The following SLC22A23 variants were observed in gnomAD, a reference collection of about 807,000 sequenced individuals.
The protein encoded by SLC22A23 is ion transporter protein.
SLC22A23 carries 26 observed loss-of-function variants against 61.0 expected under a neutral mutation model. The ratio of observed to expected loss-of-function variants is 0.43; its 90% CI spans 0.31 to 0.59. The LOEUF (loss-of-function observed/expected upper bound fraction) is 0.59. SLC22A23 is among the 20% of genes least tolerant of loss of function. The pLI, the probability that SLC22A23 is intolerant of heterozygous loss-of-function variation, is 0.11. For synonymous variants in SLC22A23, 430 were observed against 413.9 expected (o/e 1.04, Z -0.47); for missense variants, 796 against 934.7 (o/e 0.85, Z 1.94).
intron 1 of SLC22A23, among the ~76,000 whole-genome samples, chr6:3,418,859 G>A (rs1328028797): frequency 2.0e-5 from 3 of 152,222 alleles, no homozygotes; most frequent in Non-Finnish European, 4.4e-5. Context: ...GCAGGGTAGG[G>A]TAGCGCTGGG....
At position 3,269,785 on chromosome 6, in the gene SLC22A23, ATGCGATACC is replaced by A. The variant is rs1359837486; in HGVS notation, c.*3261_*3269del. The A allele has an allele frequency of 6.5e-6, 1 of 152,866 alleles. No homozygotes were observed. The highest frequency in any genetic ancestry group is 1.5e-5 in the Non-Finnish European group (1 of 68,062). 9.5% of individuals were successfully genotyped at this position (152,866 alleles called of 1,614,324 possible). A position where few individuals can be genotyped will look rare whatever the true frequency, so the allele number is the denominator to read the frequency against. ...GCTGTAGTGTGGACCTCCCCCGCAC[ATGCGATACC>A]TCGGGCCGGGCGGTGTGACCTCACA... is the stretch of plus-strand genomic sequence containing the variant. On this transcript the variant is annotated 3_prime_UTR_variant, in exon 10 of 10. Transcript: ENST00000406686.
chr6:3,332,135 A>C (rs1763616243), intron 3 of SLC22A23, among the ~76,000 whole-genome samples: 2 of 152,162 alleles, frequency 1.3e-5, no homozygotes, highest in South Asian at 4.1e-4. Flanking sequence ...CGAGCCCTAA[A>C]TTACTTCAAG....
chr6:3,325,129 A>T (rs1026977769), intron 3 of SLC22A23, among the ~76,000 whole-genome samples: 1 of 152,210 alleles, frequency 6.6e-6, no homozygotes, highest in Non-Finnish European at 1.5e-5. Flanking sequence ...GGGGAAGAAG[A>T]AGAAGAGGAA....
At chr6:3,305,788 G>A (rs898803073) in intron 4 of SLC22A23, among the ~76,000 whole-genome samples, 3 of 152,324 alleles carry the variant, frequency 2.0e-5, no homozygotes, top group Admixed American at 6.5e-5. Flanking sequence ...CGACCTTGAG[G>A]ATGACTTCTG....
chr6:3,276,094 A>G (rs773182473), intron 9 of SLC22A23, among the ~76,000 whole-genome samples: 2 of 152,184 alleles, frequency 1.3e-5, no homozygotes, highest in Admixed American at 6.5e-5. Context: ...TCAGAATGCA[A>G]TGGAAGAATG....
In SLC22A23 at chr6:3,360,547, C is replaced by G. The variant is rs543008337; in HGVS notation, c.914-36545G>C. ...GTCGGGTTTCAGGCAACGGCTCAACCGTGGAGGGAGGTCACTTTGGGGCCT... is the reference window on the plus strand; with the variant it reads ...GTCGGGTTTCAGGCAACGGCTCAACGGTGGAGGGAGGTCACTTTGGGGCCT... On this transcript the variant is annotated intron_variant, in intron 3 of 9. Transcript: ENST00000406686. The surrounding 1 kb of genome is among the most constrained non-coding windows in gnomAD (Gnocchi z 4.6). Among the ~76,000 whole-genome samples, 5 of 152,238 alleles carry G rather than the reference C, an allele frequency of 3.3e-5. No individual in the cohort carries two copies. Among genetic ancestry groups the G allele is most frequent in the Non-Finnish European group, 7.3e-5 (5 of 68,048 alleles).
Position 3,283,167 on chromosome 6 carries a change from C to G in SLC22A23, c.1703+685G>C, listed in dbSNP as rs185181235. Among the ~76,000 whole-genome samples the G allele has an allele frequency of 2.2e-4, 33 of 152,256 alleles. No individual in the cohort carries two copies. The East Asian group carries it at 6.0e-3, about 28-fold the overall frequency. ...GCTCTTTTGGCCTGGCACGGTGGTT[C>G]ACGCCTGTAATCCTAGCACTTTGGG... On this transcript the variant is annotated intron_variant, in intron 9 of 9. Coordinates refer to ENST00000406686, the MANE Select transcript of SLC22A23 (RefSeq NM_015482.2).
chr6:3,299,455 C>T (rs1194478237), intron 4 of SLC22A23, among the ~76,000 whole-genome samples: 3 of 152,170 alleles, frequency 2.0e-5, no homozygotes, highest in East Asian at 3.8e-4. Flanking sequence ...GTCCCTCAGA[C>T]GATGCCACAA....
chr6:3,356,527 C>T (rs1052226052), intron 3 of SLC22A23, among the ~76,000 whole-genome samples: 3 of 152,156 alleles, frequency 2.0e-5, no homozygotes, highest in African/African-American at 7.2e-5. Context: ...ACTACCCTCC[C>T]GCTGGCTGCT....
chr6:3,414,242 T>C lies in SLC22A23; in HGVS notation c.758+1510A>G, dbSNP rs1419825139. On this transcript the variant is annotated intron_variant, in intron 2 of 9. Transcript: ENST00000406686. This position sits in a 1 kb window ranked among gnomAD's most constrained non-coding sequence, Gnocchi z 5.1. ...GACAGTGACATGGATTATATTAGTA[T>C]ATTTTTCTAACCTATTTCAATGTAG... 6.6e-6 allele frequency among the ~76,000 whole-genome samples: 1 copy of C among 152,234 alleles called. No homozygotes were observed. The highest frequency in any genetic ancestry group is 1.5e-5 in the Non-Finnish European group (1 of 68,044).
chr6:3,272,973 CT>C lies in SLC22A23; in HGVS notation c.*81del. On this transcript the variant is annotated 3_prime_UTR_variant, in exon 10 of 10. Transcript: ENST00000406686. Reference sequence around the variant, plus strand: ...CTTGGCTGAGGCAGCTTTCCCACCCCTGGCTGCGTGTTCGGTCCCTGGTCTG... The same window carrying C: ...CTTGGCTGAGGCAGCTTTCCCACCCCGGCTGCGTGTTCGGTCCCTGGTCTG... The C allele has an allele frequency of 7.7e-7, 1 of 1,300,140 alleles. No homozygotes were observed. The highest frequency in any genetic ancestry group is 2.4e-5 in the East Asian group (1 of 41,608). The allele number at this position is 1,300,140 out of a possible 1,614,324, so 80.5% of individuals were successfully genotyped here.
intron 1 of SLC22A23, among the ~76,000 whole-genome samples, chr6:3,425,311 G>T (rs1210935402): frequency 1.7e-5 from 2 of 115,456 alleles, no homozygotes; most frequent in South Asian, 3.1e-4. Context: ...TTTTGAGATG[G>T]AGTCTCACTG....
intron 5 of SLC22A23, 106 bp from the exon 6 acceptor site, chr6:3,289,972 A>G (rs763978228): frequency 3.0e-5 from 16 of 537,766 alleles, no homozygotes; most frequent in Middle Eastern, 6.4e-4. Context: ...CACAGAAGGG[A>G]GAGAGAAGCT....
At chr6:3,283,536 T>C in intron 9 of SLC22A23, 1 of 360,894 alleles carries the variant, frequency 2.8e-6, no homozygotes, top group Non-Finnish European at 5.4e-6. Flanking sequence ...CTGGTGGAAG[T>C]GCGGCATAAG....
chr6:3,319,977 T>C (rs1437858025), intron 4 of SLC22A23, among the ~76,000 whole-genome samples: 1 of 152,254 alleles, frequency 6.6e-6, no homozygotes, highest in Non-Finnish European at 1.5e-5. Context: ...GCTGAGTCCC[T>C]GTGGCAGGCA....
intron 1 of SLC22A23, among the ~76,000 whole-genome samples, chr6:3,431,741 G>A (rs949891550): frequency 6.6e-6 from 1 of 152,216 alleles, no homozygotes; most frequent in Non-Finnish European, 1.5e-5. Context: ...GCCAAAGGAG[G>A]AGGGGTTCTG....
intron 3 of SLC22A23, among the ~76,000 whole-genome samples, chr6:3,376,001 G>A (rs1268108389): frequency 1.3e-5 from 2 of 152,150 alleles, no homozygotes; most frequent in South Asian, 2.1e-4. Flanking sequence ...GAAGGCATTA[G>A]GAAGCCTCTT....
chr6:3,410,081 A>C lies in SLC22A23; in HGVS notation c.913+107T>G. 7.5e-7 allele frequency: 1 copy of C among 1,326,390 alleles called. No homozygotes were observed. The highest frequency in any genetic ancestry group is 1.0e-6 in the Non-Finnish European group (1 of 982,778). 82.2% of individuals were successfully genotyped at this position (1,326,390 alleles called of 1,614,324 possible). On this transcript the variant is annotated intron_variant, in intron 3 of 9. Coordinates refer to ENST00000406686, the MANE Select transcript of SLC22A23 (RefSeq NM_015482.2). The surrounding 1 kb of genome is among the most constrained non-coding windows in gnomAD (Gnocchi z 5.0). ...CCTTTAATGTTTGTGTTTCCACAAA[A>C]CTGCCAGCCCACACGAGCAGCATGC...
In SLC22A23 at chr6:3,456,022, C is replaced by T. The variant is rs1772386166; in HGVS notation, c.538G>A (p.Gly180Ser). 2 of 1,547,074 alleles carry T rather than the reference C, an allele frequency of 1.3e-6. No individual in the cohort carries two copies. The highest frequency in any genetic ancestry group is 2.7e-5 in the African/African-American group (2 of 73,032). The change falls in exon 1 of 10, where the codon GGC becomes AGC. Residue 180 changes from glycine (G) to serine (S), a missense_variant. Gly to Ser is a moderately conservative substitution (Grantham distance 56). Transcript: ENST00000406686. The surrounding 1 kb of genome is among the most constrained non-coding windows in gnomAD (Gnocchi z 7.1). Reference protein sequence around the residue: ...NRSNSSGADGGDTPPLPSPPD... With the variant: ...NRSNSSGADGSDTPPLPSPPD... The stretch of plus-strand genomic sequence containing the variant: ...GGGGATGGCAGGGGTGGTGTGTCGC[C>T]TCCGTCCGCGCCGCTGCTGTTGCTC...
Sources: allele counts gnomAD v4.1 joint callset (sites outside exome capture counted in the v4.1 genomes callset), GRCh38; gene constraint gnomAD v4.1.1; non-coding constraint Gnocchi (gnomAD v3.1); transcripts MANE v1.5; gene names NCBI Gene and HGNC (gene_info 2026-07-23, HGNC 2026-07-21).